PHKA1: variants seen among roughly 807,000 people sequenced by gnomAD.
PHKA1 encodes the protein phosphorylase kinase regulatory subunit alpha 1.
A neutral mutation model predicts 110.2 loss-of-function variants in PHKA1; 60 were observed. The ratio of observed to expected loss-of-function variants is 0.54; its 90% CI spans 0.44 to 0.68. The LOEUF (loss-of-function observed/expected upper bound fraction) is 0.68, where lower values mean the gene tolerates loss of function less well. Among genes scored for constraint, PHKA1 ranks in the 30% least tolerant of loss-of-function variants. The pLI, the probability that PHKA1 is intolerant of heterozygous loss-of-function variation, is 0.00. For synonymous variants in PHKA1, 316 were observed against 333.6 expected (o/e 0.95, Z 0.58); for missense variants, 801 against 942.5 (o/e 0.85, Z 1.97).
intron 12 of PHKA1, among the ~76,000 whole-genome samples, chrX:72,651,263 G>A (rs960387354): frequency 2.1e-4 from 23 of 111,616 alleles, no homozygotes; most frequent in East Asian, 8.4e-4. Flanking sequence ...CTGGCCGGGC[G>A]CAGTGGCTCA....
chrX:72,644,217 T>A, intron 14 of PHKA1, 145 bp downstream of exon 14: 3 of 642,861 alleles, frequency 4.7e-6, no homozygotes, highest in Non-Finnish European at 7.3e-6. Flanking sequence ...ATAGAGAAGG[T>A]AAGAAAATTG....
intron 14 of PHKA1, 67 bp from the exon 15 acceptor site, chrX:72,636,453 C>CAT (rs782091086): frequency 2.7e-4 from 157 of 581,956 alleles, no homozygotes; most frequent in Middle Eastern, 1.0e-3. Context: ...AACATTTTTA[C>CAT]ATATATATAT....
chrX:72,666,886 G>A (rs1014938364), intron 7 of PHKA1, among the ~76,000 whole-genome samples: 2 of 112,231 alleles, frequency 1.8e-5, no homozygotes, highest in Non-Finnish European at 3.8e-5. Context: ...TCATGCCAAT[G>A]AGAAAAACCT....
At chrX:72,639,903 T>C (rs2053276348) in intron 14 of PHKA1, among the ~76,000 whole-genome samples, 1 of 112,218 alleles carries the variant, frequency 8.9e-6, no homozygotes, top group Non-Finnish European at 1.9e-5. Flanking sequence ...AGTGAGTATA[T>C]GCATGTACAG....
rs1556301309 is a variant in PHKA1 at position 72,656,142 on chromosome X, A to T, written c.1019T>A (p.Val340Asp). 2.5e-6 allele frequency: 3 copies of T among 1,210,340 alleles called. No individual in the cohort carries two copies. The highest frequency in any genetic ancestry group is 3.4e-6 in the Non-Finnish European group (3 of 894,427). Residue 340 changes from valine (V) to aspartate (D), a missense_variant, in exon 10 of 32, where the codon GTC becomes GAC. Val to Asp is a radical substitution (Grantham distance 152). Coordinates refer to ENST00000373542, the MANE Select transcript of PHKA1 (RefSeq NM_002637.4). Reference protein sequence around the residue: ...LFWTYFILDGVFSGNAEQVQE... With the variant: ...LFWTYFILDGDFSGNAEQVQE... ...TACCTGTTCTGCATTGCCACTGAAG[A>T]CCCCATCAAGAATAAAGTATGTCCA...
intron 3 of PHKA1, among the ~76,000 whole-genome samples, chrX:72,701,114 T>C (rs782177643): frequency 8.9e-6 from 1 of 112,546 alleles, no homozygotes; most frequent in East Asian, 2.8e-4. Context: ...GCAATAAGAA[T>C]CTGTTTTCAT....
intron 14 of PHKA1, among the ~76,000 whole-genome samples, chrX:72,638,373 C>CAA (rs781972512): frequency 1.6e-4 from 6 of 38,005 alleles, no homozygotes; most frequent in African/African-American, 3.7e-4. Context: ...GAGCTTCTCT[C>CAA]AAAAAAAAAA....
intron 2 of PHKA1, among the ~76,000 whole-genome samples, chrX:72,707,093 C>CT (rs782771046): frequency 3.6e-5 from 4 of 111,429 alleles, no homozygotes; most frequent in African/African-American, 1.3e-4. Context: ...CTTGCCTATT[C>CT]TTTTTGACGA....
intron 20 of PHKA1, 110 bp from the exon 21 acceptor site, chrX:72,618,959 T>C: frequency 1.3e-6 from 1 of 742,407 alleles, no homozygotes; most frequent in East Asian, 3.2e-5. Flanking sequence ...AGGAATTCTT[T>C]AAATACTAAT....
At position 72,619,199 on chromosome X, in the gene PHKA1, C is replaced by T; in HGVS notation, c.2229+15G>A. ...TTTCAAAAAGCTAATAGAAATACCT[C>T]CTGCACAAATTTACCTGGTTCTCCT... is the stretch of plus-strand genomic sequence containing the variant. On this transcript the variant is annotated intron_variant, in intron 20 of 31. Coordinates refer to ENST00000373542, the MANE Select transcript of PHKA1 (RefSeq NM_002637.4). The T allele has an allele frequency of 9.5e-7, 1 of 1,053,872 alleles. No homozygotes were observed. Among genetic ancestry groups the T allele is most frequent in the East Asian group, 3.0e-5 (1 of 33,062 alleles). The allele number at this position is 1,053,872 out of a possible 1,213,427, so 86.9% of individuals were successfully genotyped here.
In PHKA1 at chrX:72,609,822, T is replaced by C; in HGVS notation, c.2527-119A>G. Reference sequence around the variant, plus strand: ...AACATAATGACACACTGAACTCTCTTCCTCAGAAAATACCATGAAGATCAG... The same window carrying C: ...AACATAATGACACACTGAACTCTCTCCCTCAGAAAATACCATGAAGATCAG... On this transcript the variant is annotated intron_variant, in intron 22 of 31. Transcript: ENST00000373542. 1.1e-5 allele frequency: 6 copies of C among 545,349 alleles called. No homozygotes were observed. In the South Asian group the frequency reaches 1.5e-4, roughly 13 times the overall value. 44.9% of individuals were successfully genotyped at this position (545,349 alleles called of 1,213,427 possible).
chrX:72,665,503 G>C (rs782470897), intron 8 of PHKA1, among the ~76,000 whole-genome samples: 20 of 111,523 alleles, frequency 1.8e-4, no homozygotes, highest in Admixed American at 5.7e-4. Flanking sequence ...AATTGAAGGG[G>C]AGGGAATTCT....
chrX:72,684,706 G>A, intron 4 of PHKA1, 126 bp from the exon 5 acceptor site: 2 of 498,670 alleles, frequency 4.0e-6, no homozygotes, highest in Non-Finnish European at 7.2e-6. Context: ...AACAATGGAA[G>A]GCACTTTGAT....
chrX:72,613,807 C>A (rs1038404654), intron 21 of PHKA1, among the ~76,000 whole-genome samples: 2 of 111,849 alleles, frequency 1.8e-5, no homozygotes, highest in African/African-American at 3.3e-5. Flanking sequence ...TATGATATGA[C>A]ACATGGAAAA....
In PHKA1 at chrX:72,640,135, G is replaced by GT. The variant is rs375645820; in HGVS notation, c.1460-3750dup. Reference sequence around the variant, plus strand: ...TAGGGATGGGACTATCTTTCTAAGTGTAACAGCAAGGAAAGAATCCAAAAA... The same window carrying GT: ...TAGGGATGGGACTATCTTTCTAAGTGTTAACAGCAAGGAAAGAATCCAAAAA... On this transcript the variant is annotated intron_variant, in intron 14 of 31. Coordinates refer to ENST00000373542, the MANE Select transcript of PHKA1 (RefSeq NM_002637.4). 3.0e-3 allele frequency among the ~76,000 whole-genome samples: 335 copies of GT among 111,518 alleles called. 1 individual carries two copies. Among genetic ancestry groups the GT allele is most frequent in the African/African-American group, 0.01 (317 of 30,789 alleles).
intron 16 of PHKA1, among the ~76,000 whole-genome samples, chrX:72,634,366 T>C (rs1569436705): frequency 9.0e-6 from 1 of 111,046 alleles, no homozygotes; most frequent in Non-Finnish European, 1.9e-5. Flanking sequence ...TGTCTGGATT[T>C]TGAATGATTA....
rs782211011 is a variant in PHKA1, at chrX:72,710,108, T to A, written c.237+2671A>T. On this transcript the variant is annotated intron_variant, in intron 2 of 31. Coordinates refer to ENST00000373542, the MANE Select transcript of PHKA1 (RefSeq NM_002637.4). ...CAGAGTTTGGAACCACTCATCTAGA[T>A]CAGGGACAAATCTAGCCCATTGCTA... Among the ~76,000 whole-genome samples, 14 of 105,978 alleles carry A rather than the reference T, an allele frequency of 1.3e-4. No homozygotes were observed. In the East Asian group the frequency reaches 4.0e-3, roughly 30 times the overall value. 92.0% of individuals were successfully genotyped at this position (105,978 alleles called of 115,157 possible).
At chrX:72,582,216 A>G (rs2052347680) in intron 31 of PHKA1, among the ~76,000 whole-genome samples, 182 bp downstream of exon 31, 1 of 111,397 alleles carries the variant, frequency 9.0e-6, no homozygotes, top group African/African-American at 3.3e-5. Context: ...GGTGAAAGAC[A>G]GAGGTCTTCC....
intron 25 of PHKA1, among the ~76,000 whole-genome samples, chrX:72,603,740 C>T (rs1403257879): frequency 2.7e-5 from 3 of 111,187 alleles, no homozygotes; most frequent in African/African-American, 9.8e-5. Context: ...TTTTAAGTAA[C>T]ATTTGTGCAA....
Sources: gnomAD v4.1 joint callset for allele counts (sites outside exome capture counted in the v4.1 genomes callset) on GRCh38, gnomAD v4.1.1 for gene constraint, MANE v1.5 for transcripts, NCBI Gene and HGNC (gene_info 2026-07-23, HGNC 2026-07-21) for gene names.